Variants in DCBLD2 observed in about 807,000 individuals in gnomAD.
DCBLD2 encodes the protein discoidin, CUB and LCCL domain containing 2.
Under a neutral mutation model 86.8 loss-of-function variants are expected in DCBLD2, and 54 were observed. That is an observed-to-expected ratio of 0.62 (90% CI 0.50 to 0.78). The LOEUF is 0.78. Ranked by LOEUF, DCBLD2 falls within the 30% of genes least tolerant of loss-of-function variation. The pLI is 0.00. For missense variants in DCBLD2, 908 were observed against 954.2 expected, an observed-to-expected ratio of 0.95 and a Z score of 0.64; for synonymous variants, 354 against 341.3, an observed-to-expected ratio of 1.04 and a Z score of -0.41.
intron 2 of DCBLD2, among the ~76,000 whole-genome samples, chr3:98,879,019 T>C (rs1026793060): frequency 3.9e-5 from 6 of 152,178 alleles, no homozygotes; most frequent in Admixed American, 2.6e-4. Flanking sequence ...TTGAAACCTG[T>C]GCTCAGAATC....
In DCBLD2 at chr3:98,796,210, CAT is replaced by C. The variant is rs1393159644; in HGVS notation, c.*3160_*3161del. 6.6e-6 allele frequency: 1 copy of C among 151,938 alleles called. No individual in the cohort carries two copies. Among genetic ancestry groups the C allele is most frequent in the Non-Finnish European group, 1.5e-5 (1 of 67,962 alleles). 9.4% of individuals were successfully genotyped at this position (151,938 alleles called of 1,614,324 possible). A position where few individuals can be genotyped will look rare whatever the true frequency, so the allele number is the denominator to read the frequency against. On this transcript the variant is annotated 3_prime_UTR_variant, in exon 16 of 16. Coordinates refer to ENST00000326840, the MANE Select transcript of DCBLD2 (RefSeq NM_080927.4). ...TTTATTTCCAATATGTATTTCAATA[CAT>C]GTTTGTTTCCACTTTTCCCAGTGCC...
chr3:98,812,332 CT>C lies in DCBLD2; in HGVS notation c.1362del (p.Gly455ValfsTer27). ...TATCTTAAACGAACTGTCTCTTTAC[CT>C]TTAGGAATAAACTGACATCCGAGCA... is the stretch of plus-strand genomic sequence containing the variant. ...MELLGCQFIPKGRPPKLTQPP... is the reference protein window; with the variant it reads ...MELLGCQFIPXGRPPKLTQPP... On this transcript the variant is annotated frameshift_variant and splice_region_variant, in exon 10 of 16. Transcript: ENST00000326840. LOFTEE classifies it high-confidence loss of function. 1 of 1,613,084 alleles carries C rather than the reference CT, an allele frequency of 6.2e-7. No homozygotes were observed. The highest frequency in any genetic ancestry group is 8.5e-7 in the Non-Finnish European group (1 of 1,179,470).
At chr3:98,894,633 C>A (rs927849581) in intron 1 of DCBLD2, among the ~76,000 whole-genome samples, 3 of 152,094 alleles carry the variant, frequency 2.0e-5, no homozygotes, top group African/African-American at 7.2e-5. Flanking sequence ...GCTGGGAAGA[C>A]TGTTAGGCTC....
chr3:98,847,072 C>T (rs987107449), intron 3 of DCBLD2, among the ~76,000 whole-genome samples: 6 of 152,082 alleles, frequency 3.9e-5, no homozygotes, highest in Non-Finnish European at 5.9e-5. Flanking sequence ...ACTTAAAGGA[C>T]GGTAATCCAT....
chr3:98,867,853 A>T (rs1425435550), intron 2 of DCBLD2, among the ~76,000 whole-genome samples: 1 of 150,820 alleles, frequency 6.6e-6, no homozygotes, highest in Middle Eastern at 3.4e-3. Flanking sequence ...CCCAGGCTGG[A>T]GTGCAGTGGC....
rs574091593 is a variant in DCBLD2, at chr3:98,890,932, G to C, written c.206-9165C>G. ...ACATACTAAGCACTTTTGCTCAGAA[G>C]TTCCACTTCATTTGAAACTCCACAT... On this transcript the variant is annotated intron_variant, in intron 1 of 15. Coordinates refer to ENST00000326840, the MANE Select transcript of DCBLD2 (RefSeq NM_080927.4). Among the ~76,000 whole-genome samples the C allele has an allele frequency of 1.2e-4, 18 of 152,146 alleles. 1 individual carries two copies. The highest frequency in any genetic ancestry group is 4.3e-4 in the African/African-American group (18 of 41,528).
At chr3:98,869,579 T>C (rs1943221432) in intron 2 of DCBLD2, among the ~76,000 whole-genome samples, 1 of 152,366 alleles carries the variant, frequency 6.6e-6, no homozygotes, top group African/African-American at 2.4e-5. Flanking sequence ...CATTTGACCC[T>C]TTTCCTGTTT....
chr3:98,849,099 G>A (rs1315527090), intron 3 of DCBLD2, among the ~76,000 whole-genome samples: 2 of 151,110 alleles, frequency 1.3e-5, no homozygotes, highest in Non-Finnish European at 3.0e-5. Context: ...AACCCGGGAG[G>A]TGGAGATTGC....
chr3:98,848,944 C>T (rs953258272), intron 3 of DCBLD2, among the ~76,000 whole-genome samples: 12 of 152,052 alleles, frequency 7.9e-5, no homozygotes, highest in East Asian at 1.9e-4. Flanking sequence ...CCGAGCCAGG[C>T]GGATCACCTG....
intron 2 of DCBLD2, among the ~76,000 whole-genome samples, chr3:98,860,094 T>A (rs994306809): frequency 1.3e-5 from 2 of 152,146 alleles, no homozygotes; most frequent in Admixed American, 6.5e-5. Context: ...CTTCAGTAGA[T>A]AATTCAATCA....
chr3:98,865,540 C>G (rs887077881), intron 2 of DCBLD2, among the ~76,000 whole-genome samples: 1 of 152,078 alleles, frequency 6.6e-6, no homozygotes, highest in Non-Finnish European at 1.5e-5. Context: ...AAAAGAAACA[C>G]TGTATAACAG....
intron 2 of DCBLD2, among the ~76,000 whole-genome samples, chr3:98,868,354 A>G (rs1257956480): frequency 1.3e-5 from 2 of 152,198 alleles, no homozygotes; most frequent in Admixed American, 1.3e-4. Context: ...GGGGTTGAAG[A>G]ATAAGAAGAT....
At chr3:98,881,410 AT>A in intron 2 of DCBLD2, 129 bp downstream of exon 2, 2 of 820,206 alleles carry the variant, frequency 2.4e-6, no homozygotes, top group Admixed American at 2.8e-5. Flanking sequence ...CAAATTCAAA[AT>A]TTTTACACAT....
chr3:98,901,004 G>A, intron 1 of DCBLD2, 118 bp downstream of exon 1: 3 of 1,496,836 alleles, frequency 2.0e-6, no homozygotes, highest in Non-Finnish European at 2.7e-6. Context: ...AGCCAGGTCC[G>A]GCCACGCACG....
rs756907991 is a variant in DCBLD2, at chr3:98,901,232, A to AG, written c.94dup (p.Leu32ProfsTer39). The AG allele has an allele frequency of 4.6e-6, 7 of 1,534,762 alleles. No individual in the cohort carries two copies. The highest frequency in any genetic ancestry group is 6.1e-6 in the Non-Finnish European group (7 of 1,146,460). ...GGAGCAGGGAGGGAGGGAGCGGGAG[A>AG]GGGGGAGCGCGGCCCAGGCGGGGGC... is the stretch of plus-strand genomic sequence containing the variant. On this transcript the variant is annotated frameshift_variant, in exon 1 of 16. Coordinates refer to ENST00000326840, the MANE Select transcript of DCBLD2 (RefSeq NM_080927.4). LOFTEE classifies it high-confidence loss of function.
intron 7 of DCBLD2, among the ~76,000 whole-genome samples, chr3:98,819,797 AT>A (rs1942086194): frequency 6.6e-6 from 1 of 152,074 alleles, no homozygotes; most frequent in Non-Finnish European, 1.5e-5. Flanking sequence ...AGTCCTCCTT[AT>A]TTTCCTACAT....
chr3:98,820,330 A>G (rs1489700933), intron 6 of DCBLD2, 42 bp from the exon 7 acceptor site: 42 of 1,354,100 alleles, frequency 3.1e-5, no homozygotes, highest in Non-Finnish European at 4.1e-5. Context: ...CTCACATAAC[A>G]CATGATGCCC....
chr3:98,849,957 G>T (rs1275970316), intron 2 of DCBLD2, among the ~76,000 whole-genome samples: 1 of 152,104 alleles, frequency 6.6e-6, no homozygotes, highest in Non-Finnish European at 1.5e-5. Context: ...TTAATTAGTA[G>T]TATTCTTAAA....
chr3:98,887,875 C>T (rs1197269037), intron 1 of DCBLD2, among the ~76,000 whole-genome samples: 1 of 151,944 alleles, frequency 6.6e-6, no homozygotes, highest in Non-Finnish European at 1.5e-5. Context: ...TTAGGGTTCA[C>T]TCCTGGTGTA....
Sources: gnomAD v4.1 joint callset for allele counts (sites outside exome capture counted in the v4.1 genomes callset) on GRCh38, gnomAD v4.1.1 for gene constraint, MANE v1.5 for transcripts, NCBI Gene and HGNC (gene_info 2026-07-23, HGNC 2026-07-21) for gene names.